Variants in RBFOX1 observed in about 807,000 individuals in gnomAD.
RBFOX1 encodes the protein RNA binding fox-1 homolog 1.
A neutral mutation model predicts 57.7 loss-of-function variants in RBFOX1; 8 were observed. The ratio of observed to expected loss-of-function variants is 0.14; its 90% CI spans 0.08 to 0.25. The LOEUF (loss-of-function observed/expected upper bound fraction) is 0.25, where lower values mean the gene tolerates loss of function less well. Ranked by LOEUF, RBFOX1 falls within the 10% of genes least tolerant of loss-of-function variation. RBFOX1 has a pLI of 1.00. For missense variants in RBFOX1, 611 were observed against 548.5 expected, an observed-to-expected ratio of 1.11 and a Z score of -1.14; for synonymous variants, 326 against 222.4, an observed-to-expected ratio of 1.47 and a Z score of -4.15.
chr16:5,608,601 A>G (rs1244953259), intron 3 of RBFOX1, among the ~76,000 whole-genome samples: 1 of 152,220 alleles, frequency 6.6e-6, no homozygotes, highest in Non-Finnish European at 1.5e-5. Context: ...GTAAAGCCTT[A>G]GGAGAGAGCA....
At chr16:7,168,913 T>G (rs897028091) in intron 4 of RBFOX1, among the ~76,000 whole-genome samples, 1 of 151,562 alleles carries the variant, frequency 6.6e-6, no homozygotes, top group Non-Finnish European at 1.5e-5. Flanking sequence ...TTTCTTAATG[T>G]CATATATATT....
chr16:7,359,940 C>T (rs1478834949), intron 4 of RBFOX1, among the ~76,000 whole-genome samples: 6 of 151,436 alleles, frequency 4.0e-5, no homozygotes, highest in Non-Finnish European at 7.4e-5. Context: ...GCCGAGATCG[C>T]GCCACTGCAC....
chr16:7,160,570 C>G (rs1055043381), intron 4 of RBFOX1, among the ~76,000 whole-genome samples: 4 of 152,024 alleles, frequency 2.6e-5, no homozygotes, highest in Non-Finnish European at 5.9e-5. Context: ...TGAAGATTAC[C>G]TGCAGTTAGC....
At chr16:6,933,194 A>G (rs142079968) in intron 3 of RBFOX1, among the ~76,000 whole-genome samples, 43 of 152,328 alleles carry the variant, frequency 2.8e-4, no homozygotes, top group African/African-American at 8.7e-4. Flanking sequence ...GAATGATGCT[A>G]TGAACGGGAG....
chr16:5,637,047 G>A (rs781529907), intron 3 of RBFOX1, among the ~76,000 whole-genome samples: 1 of 152,148 alleles, frequency 6.6e-6, no homozygotes, highest in African/African-American at 2.4e-5. Context: ...TAATCATAAT[G>A]CAATATCAGT....
chr16:7,587,484 A>T (rs949387825), intron 7 of RBFOX1, among the ~76,000 whole-genome samples, 184 bp downstream of exon 7: 1 of 152,208 alleles, frequency 6.6e-6, no homozygotes, highest in Middle Eastern at 3.2e-3. Context: ...TTTAAAATGT[A>T]TAAGGGGATA....
At chr16:6,879,363 C>A (rs1476342008) in intron 3 of RBFOX1, among the ~76,000 whole-genome samples, 2 of 152,290 alleles carry the variant, frequency 1.3e-5, no homozygotes, top group Admixed American at 6.5e-5. Flanking sequence ...TTCCTAATTT[C>A]ATCTCTCTCT....
chr16:5,559,919 C>T (rs1434010893), intron 2 of RBFOX1, among the ~76,000 whole-genome samples: 4 of 152,136 alleles, frequency 2.6e-5, no homozygotes, highest in Non-Finnish European at 5.9e-5. Context: ...TCTTCCTCAC[C>T]CTCCACTTTG....
chr16:6,692,960 T>C (rs936987776), intron 3 of RBFOX1, among the ~76,000 whole-genome samples: 3 of 150,284 alleles, frequency 2.0e-5, no homozygotes, highest in African/African-American at 7.4e-5. Context: ...CCCCATCCAC[T>C]ACCATCACCG....
chr16:6,082,335 C>T (rs1172059169), intron 1 of RBFOX1, among the ~76,000 whole-genome samples: 2 of 145,300 alleles, frequency 1.4e-5, no homozygotes, highest in East Asian at 4.0e-4. Flanking sequence ...TGCCTGTCAC[C>T]ACACCTGGCT....
chr16:7,434,522 A>G (rs77994342), intron 4 of RBFOX1, among the ~76,000 whole-genome samples: 1 of 152,004 alleles, frequency 6.6e-6, no homozygotes, highest in Admixed American at 6.5e-5. Flanking sequence ...TCATCAGGAG[A>G]TGAGGAGATG....
At chr16:7,077,671 TA>T (rs1293436570) in intron 4 of RBFOX1, among the ~76,000 whole-genome samples, 1 of 152,220 alleles carries the variant, frequency 6.6e-6, no homozygotes, top group Non-Finnish European at 1.5e-5. Flanking sequence ...TTAGTGACTT[TA>T]AAATGTTTTT....
chr16:6,680,189 G>A lies in RBFOX1; in HGVS notation c.-16+25539G>A, dbSNP rs527696381. On this transcript the variant is annotated intron_variant, in intron 3 of 15. Transcript: ENST00000550418. ...AGAGATAGAATAGCAATTTCGTATGGAGCTGCGCATATATTCAGTAAGTGG... is the reference window on the plus strand; with the variant it reads ...AGAGATAGAATAGCAATTTCGTATGAAGCTGCGCATATATTCAGTAAGTGG... Among the ~76,000 whole-genome samples the A allele has an allele frequency of 1.5e-3, 234 of 152,004 alleles. 1 individual carries two copies. The highest frequency in any genetic ancestry group is 5.4e-3 in the African/African-American group (225 of 41,474).
intron 2 of RBFOX1, among the ~76,000 whole-genome samples, chr16:6,317,372 C>T (rs1432543876): frequency 1.3e-5 from 2 of 151,804 alleles, no homozygotes; most frequent in African/African-American, 4.8e-5. Context: ...CTAAGGTTTT[C>T]TTATCAGGAG....
chr16:6,857,411 C>G (rs910742684), intron 3 of RBFOX1, among the ~76,000 whole-genome samples: 19 of 150,448 alleles, frequency 1.3e-4, no homozygotes, highest in African/African-American at 4.4e-4. Flanking sequence ...TGGGAGAGGT[C>G]AAATCCCATG....
At chr16:7,701,156 A>AAACTC (rs1167516463) in intron 14 of RBFOX1, among the ~76,000 whole-genome samples, 2 of 152,106 alleles carry the variant, frequency 1.3e-5, no homozygotes, top group Non-Finnish European at 2.9e-5. Context: ...AGCAGCAATG[A>AAACTC]AACTCAAACA....
chr16:5,294,528 A>G (rs2063614671), intron 1 of RBFOX1, among the ~76,000 whole-genome samples: 1 of 152,184 alleles, frequency 6.6e-6, no homozygotes, highest in Non-Finnish European at 1.5e-5. Flanking sequence ...ATGCACTGGG[A>G]TCCCTCGTAA....
chr16:6,121,879 T>C (rs1209088144), intron 1 of RBFOX1, among the ~76,000 whole-genome samples: 2 of 152,144 alleles, frequency 1.3e-5, no homozygotes, highest in African/African-American at 4.8e-5. Context: ...TAAGACAGAG[T>C]TAGTAGTCAA....
At chr16:5,443,886 C>G (rs1306989073) in intron 1 of RBFOX1, among the ~76,000 whole-genome samples, 1 of 152,122 alleles carries the variant, frequency 6.6e-6, no homozygotes, top group Non-Finnish European at 1.5e-5. Context: ...AAGCTTGACT[C>G]TGGCATCTTA....
Sources: gnomAD v4.1 joint callset for allele counts (sites outside exome capture counted in the v4.1 genomes callset) on GRCh38, gnomAD v4.1.1 for gene constraint, MANE v1.5 for transcripts, NCBI Gene and HGNC (gene_info 2026-07-23, HGNC 2026-07-21) for gene names.